The following XXYLT1 variants were observed in gnomAD, a reference collection of about 807,000 sequenced individuals.
XXYLT1 encodes the protein UDP-xylose:alpha-xyloside alpha-1,3-xylosyltransferase.
A neutral mutation model predicts 28.9 loss-of-function variants in XXYLT1; 20 were observed. That is an observed-to-expected ratio of 0.69 (90% CI 0.49 to 1.00). The LOEUF is 1.00. Ranked by LOEUF, XXYLT1 falls within the 50% of genes least tolerant of loss-of-function variation. The pLI is 0.00. For missense variants in XXYLT1, 542 were observed against 560.1 expected, an observed-to-expected ratio of 0.97 and a Z score of 0.33; for synonymous variants, 257 against 253.8, an observed-to-expected ratio of 1.01 and a Z score of -0.12.
intron 3 of XXYLT1, among the ~76,000 whole-genome samples, chr3:195,131,327 G>A (rs992915655): frequency 1.3e-5 from 2 of 152,234 alleles, no homozygotes; most frequent in African/African-American, 4.8e-5. Flanking sequence ...CCTGAAAGGC[G>A]GGTGGATTTT....
At chr3:195,232,853 C>A (rs1006581868) in intron 1 of XXYLT1, among the ~76,000 whole-genome samples, 1 of 152,184 alleles carries the variant, frequency 6.6e-6, no homozygotes. Flanking sequence ...GTGTATTCTG[C>A]AACTATGGAA....
At chr3:195,239,683 AT>A (rs1724698330) in intron 1 of XXYLT1, among the ~76,000 whole-genome samples, 1 of 152,210 alleles carries the variant, frequency 6.6e-6, no homozygotes, top group African/African-American at 2.4e-5. Flanking sequence ...TTACAAAATA[AT>A]TTCTCTTCAA....
chr3:195,071,145 A>G (rs1714781868), intron 3 of XXYLT1, among the ~76,000 whole-genome samples: 1 of 152,192 alleles, frequency 6.6e-6, no homozygotes, highest in African/African-American at 2.4e-5. Context: ...GGGCCACAGC[A>G]ATCGTGCCGG....
intron 3 of XXYLT1, among the ~76,000 whole-genome samples, chr3:195,081,290 GC>G (rs1715419222): frequency 6.6e-6 from 1 of 152,110 alleles, no homozygotes; most frequent in South Asian, 2.1e-4. Context: ...CCTGAAAATG[GC>G]CATACAACAG....
At chr3:195,267,187 C>T (rs975578712) in intron 1 of XXYLT1, among the ~76,000 whole-genome samples, 1 of 152,242 alleles carries the variant, frequency 6.6e-6, no homozygotes, top group African/African-American at 2.4e-5. Context: ...GCACCAGCCC[C>T]GTGCCAGTTC....
Position 195,104,072 on chromosome 3 carries a change from C to T in XXYLT1, c.786-33961G>A, listed in dbSNP as rs924357652. On this transcript the variant is annotated intron_variant, in intron 3 of 3. Transcript: ENST00000310380. Reference sequence around the variant, plus strand: ...TTTTAGACATTACATACAGATGGACCCACAGTTTAGAATGGGAGCAATGGG... The same window carrying T: ...TTTTAGACATTACATACAGATGGACTCACAGTTTAGAATGGGAGCAATGGG... Among the ~76,000 whole-genome samples the T allele has an allele frequency of 2.6e-5, 4 of 152,064 alleles. No individual in the cohort carries two copies. In the South Asian group the frequency reaches 8.3e-4, roughly 31 times the overall value.
rs1715979074 is a variant in XXYLT1, at chr3:195,089,003, C to G, written c.786-18892G>C. ...AAACAATAAAAAGAAATGAGCAAAG[C>G]CTCCAGGAAATATGGGACTATGTGA... On this transcript the variant is annotated intron_variant, in intron 3 of 3. Coordinates refer to ENST00000310380, the MANE Select transcript of XXYLT1 (RefSeq NM_152531.5). Among the ~76,000 whole-genome samples the G allele has an allele frequency of 5.3e-5, 8 of 152,242 alleles. No homozygotes were observed. In the South Asian group the frequency reaches 1.5e-3, roughly 28 times the overall value.
intron 2 of XXYLT1, among the ~76,000 whole-genome samples, chr3:195,185,498 G>C (rs1448895964): frequency 7.5e-6 from 1 of 133,832 alleles, no homozygotes; most frequent in Non-Finnish European, 1.5e-5. Context: ...GAGGTTTAGG[G>C]CTGGGTTTTT....
At chr3:195,213,200 C>A (rs1723405763) in intron 2 of XXYLT1, among the ~76,000 whole-genome samples, 1 of 151,816 alleles carries the variant, frequency 6.6e-6, no homozygotes, top group Non-Finnish European at 1.5e-5. Context: ...ACATCCGCAT[C>A]CCAACAGAGA....
At chr3:195,249,578 G>T (rs1725171088) in intron 1 of XXYLT1, among the ~76,000 whole-genome samples, 1 of 152,210 alleles carries the variant, frequency 6.6e-6, no homozygotes, top group Admixed American at 6.5e-5. Flanking sequence ...GAGAGGGGAA[G>T]GTCCCTGCCC....
At chr3:195,148,729 CCTCT>C (rs577625461) in intron 3 of XXYLT1, among the ~76,000 whole-genome samples, 2 of 152,144 alleles carry the variant, frequency 1.3e-5, no homozygotes, top group African/African-American at 4.8e-5. Flanking sequence ...GTTAGTGCTG[CCTCT>C]CTCTATTTTC....
intron 3 of XXYLT1, among the ~76,000 whole-genome samples, chr3:195,086,497 C>T (rs1715736211): frequency 6.6e-6 from 1 of 152,178 alleles, no homozygotes. Flanking sequence ...CAGTTGTATT[C>T]AACAAACACA....
chr3:195,079,542 T>G (rs1027135459), intron 3 of XXYLT1, among the ~76,000 whole-genome samples: 5 of 152,170 alleles, frequency 3.3e-5, no homozygotes, highest in African/African-American at 1.2e-4. Context: ...GTATAATGTT[T>G]GTAATAAGCA....
intron 3 of XXYLT1, among the ~76,000 whole-genome samples, chr3:195,110,642 A>T (rs368204905): frequency 1.8e-5 from 1 of 56,486 alleles, no homozygotes; most frequent in South Asian, 6.3e-4. Context: ...TGTGTGATGT[A>T]TAAGTGTGTG....
At chr3:195,235,789 C>T (rs371314106) in intron 1 of XXYLT1, among the ~76,000 whole-genome samples, 1 of 152,174 alleles carries the variant, frequency 6.6e-6, no homozygotes, top group Non-Finnish European at 1.5e-5. Flanking sequence ...TGTAGATGCA[C>T]CACCTTGATG....
At chr3:195,080,958 T>C (rs78737669) in intron 3 of XXYLT1, among the ~76,000 whole-genome samples, 7,615 of 152,258 alleles carry the variant, frequency 0.05, 274 homozygotes, top group East Asian at 0.13. Context: ...TCCCATTCCA[T>C]GTAAGGGCCC....
chr3:195,090,213 A>T (rs1716054407), intron 3 of XXYLT1, among the ~76,000 whole-genome samples: 1 of 151,010 alleles, frequency 6.6e-6, no homozygotes, highest in Non-Finnish European at 1.5e-5. Context: ...CCCCAAATCA[A>T]CAGAATATAC....
Position 195,165,393 on chromosome 3 carries a change from C to T in XXYLT1, c.653-8812G>A, listed in dbSNP as rs558801798. Among the ~76,000 whole-genome samples the T allele has an allele frequency of 7.2e-5, 11 of 152,234 alleles. No homozygotes were observed. In the South Asian group the frequency reaches 8.3e-4, roughly 12 times the overall value. On this transcript the variant is annotated intron_variant, in intron 2 of 3. Coordinates refer to ENST00000310380, the MANE Select transcript of XXYLT1 (RefSeq NM_152531.5). ...CAAATAGGACCAGGCAGAGAACAGCCGGCTTCTCAGCGAGAGGAAGATGTC... is the reference window on the plus strand; with the variant it reads ...CAAATAGGACCAGGCAGAGAACAGCTGGCTTCTCAGCGAGAGGAAGATGTC...
chr3:195,093,639 C>T (rs1004916445), intron 3 of XXYLT1: 2 of 151,116 alleles, frequency 1.3e-5, no homozygotes, highest in Non-Finnish European at 2.9e-5. Context: ...ATGTAACTAA[C>T]CTGCACAATG....
Sources: gnomAD v4.1 joint callset for allele counts (sites outside exome capture counted in the v4.1 genomes callset) on GRCh38, gnomAD v4.1.1 for gene constraint, MANE v1.5 for transcripts, NCBI Gene and HGNC (gene_info 2026-07-23, HGNC 2026-07-21) for gene names.